The following METAP2 variants were observed in gnomAD, a reference collection of about 807,000 sequenced individuals.
METAP2 encodes methionyl aminopeptidase 2, also known as methionine aminopeptidase 2.
Under a neutral mutation model 59.4 loss-of-function variants are expected in METAP2, and 25 were observed. The ratio of observed to expected loss-of-function variants is 0.42; its 90% CI spans 0.31 to 0.59. The LOEUF is 0.59. Ranked by LOEUF, METAP2 falls within the 20% of genes least tolerant of loss-of-function variation. The probability of loss-of-function intolerance (pLI) is 0.16; values close to 1 mark genes in which losing one functional copy is unlikely to be tolerated. For synonymous variants in METAP2, 214 were observed against 194.1 expected (o/e 1.10, Z -0.85); for missense variants, 366 against 581.2 (o/e 0.63, Z 3.81).
At chr12:95,506,221 A>G (rs1176387986) in intron 8 of METAP2, among the ~76,000 whole-genome samples, 2 of 151,942 alleles carry the variant, frequency 1.3e-5, no homozygotes, top group Non-Finnish European at 2.9e-5. Flanking sequence ...AGCTGGGACT[A>G]CAGATGTACA....
chr12:95,497,264 C>G (rs2076282365), intron 7 of METAP2, among the ~76,000 whole-genome samples: 1 of 152,194 alleles, frequency 6.6e-6, no homozygotes, highest in Non-Finnish European at 1.5e-5. Flanking sequence ...TTTTCCTCTT[C>G]TCCCCCTACC....
chr12:95,498,132 C>CAA lies in METAP2; in HGVS notation c.867+2048_867+2049dup, dbSNP rs550768555. ...TGGGCGACTGAGCGAGACTCCATCT[C>CAA]AAAAAAAAAAAAAAACAGTAGAGAT... On this transcript the variant is annotated intron_variant, in intron 7 of 10. Transcript: ENST00000323666. 8.5e-3 allele frequency among the ~76,000 whole-genome samples: 1,056 copies of CAA among 123,574 alleles called. 8 individuals carry two copies. The highest frequency in any genetic ancestry group is 0.014 in the Non-Finnish European group (829 of 57,420). The allele number at this position is 123,574 out of a possible 152,430, so 81.1% of individuals were successfully genotyped here.
At chr12:95,479,152 G>A (rs2076141323) in intron 2 of METAP2, among the ~76,000 whole-genome samples, 1 of 152,200 alleles carries the variant, frequency 6.6e-6, no homozygotes, top group Admixed American at 6.5e-5. Flanking sequence ...GAGAGGAAGT[G>A]TGTAGGAAAG....
intron 2 of METAP2, 38 bp downstream of exon 2, chr12:95,476,216 A>G (rs1238238262): frequency 1.4e-6 from 2 of 1,409,548 alleles, no homozygotes; most frequent in South Asian, 1.2e-5. Flanking sequence ...TAGAAAAGCT[A>G]GAAAATGTAG....
At chr12:95,506,074 G>A (rs2076356866) in intron 8 of METAP2, among the ~76,000 whole-genome samples, 1 of 151,536 alleles carries the variant, frequency 6.6e-6, no homozygotes, top group Admixed American at 6.6e-5. Flanking sequence ...TCCAGCCTGG[G>A]CGACAGAGTG....
chr12:95,485,531 A>ACTT (rs1356615180), intron 3 of METAP2, among the ~76,000 whole-genome samples: 2 of 151,880 alleles, frequency 1.3e-5, no homozygotes, highest in Non-Finnish European at 2.9e-5. Context: ...TTGCTATAGG[A>ACTT]CTTCTTACTA....
chr12:95,514,011 T>A lies in METAP2; in HGVS notation c.*107T>A. 1.6e-6 allele frequency: 2 copies of A among 1,232,232 alleles called. No homozygotes were observed. Among genetic ancestry groups the A allele is most frequent in the Non-Finnish European group, 2.2e-6 (2 of 899,550 alleles). 76.3% of individuals were successfully genotyped at this position (1,232,232 alleles called of 1,614,324 possible). ...TGTCTGTTTTAACAGTGGACCCATG[T>A]AATACTTTTATCCATGTTTAAAAAA... On this transcript the variant is annotated 3_prime_UTR_variant, in exon 11 of 11. Transcript: ENST00000323666.
intron 7 of METAP2, among the ~76,000 whole-genome samples, chr12:95,499,244 C>T (rs532118060): frequency 1.3e-5 from 2 of 152,256 alleles, no homozygotes; most frequent in South Asian, 4.1e-4. Context: ...TGGGTTTAAG[C>T]AGTTCTTCTA....
chr12:95,493,570 C>G (rs1197391104), intron 4 of METAP2, among the ~76,000 whole-genome samples: 3 of 152,160 alleles, frequency 2.0e-5, no homozygotes, highest in Non-Finnish European at 1.5e-5. Context: ...ATTAGGAAAA[C>G]CCAGCACACG....
At chr12:95,510,153 T>A (rs1279148086) in intron 8 of METAP2, among the ~76,000 whole-genome samples, 1 of 152,146 alleles carries the variant, frequency 6.6e-6, no homozygotes, top group African/African-American at 2.4e-5. Flanking sequence ...AGCCCTTTTT[T>A]AAAATTTGAA....
At chr12:95,511,825 A>G (rs2076405099) in intron 8 of METAP2, 70 bp from the exon 9 acceptor site, 1 of 1,094,520 alleles carries the variant, frequency 9.1e-7, no homozygotes, top group African/African-American at 1.6e-5. Context: ...ACTCTGTACC[A>G]AAATGTAAGA....
At chr12:95,508,703 C>A (rs10507050) in intron 8 of METAP2, among the ~76,000 whole-genome samples, 13,222 of 150,678 alleles carry the variant, frequency 0.088, 813 homozygotes, top group African/African-American at 0.17. Context: ...GGTATGTGGT[C>A]TGCCTTTCAA....
At chr12:95,510,647 T>C (rs1227772750) in intron 8 of METAP2, among the ~76,000 whole-genome samples, 1 of 152,192 alleles carries the variant, frequency 6.6e-6, no homozygotes, top group Non-Finnish European at 1.5e-5. Context: ...ATTCAAACCA[T>C]AGCAGCAATA....
intron 3 of METAP2, 195 bp downstream of exon 3, chr12:95,483,475 CAAAAAAAAAAAAAA>C (rs141083015): frequency 6.0e-5 from 4 of 66,668 alleles, no homozygotes; most frequent in South Asian, 9.9e-4. Flanking sequence ...GACTCTGTCT[CAAAAAAAAAAAAAA>C]AAAAAAAAAG....
At chr12:95,499,067 G>A (rs1159584351) in intron 7 of METAP2, among the ~76,000 whole-genome samples, 1 of 151,936 alleles carries the variant, frequency 6.6e-6, no homozygotes, top group African/African-American at 2.4e-5. Context: ...TTATTTCTGG[G>A]CTGTTCATTT....
At chr12:95,496,536 A>T (rs1448045535) in intron 7 of METAP2, among the ~76,000 whole-genome samples, 1 of 152,162 alleles carries the variant, frequency 6.6e-6, no homozygotes, top group East Asian at 1.9e-4. Flanking sequence ...AGCATTGACC[A>T]CATCACAATT....
Position 95,502,193 on chromosome 12 carries a change from TG to T in METAP2, c.868-1867del, listed in dbSNP as rs112396489. On this transcript the variant is annotated intron_variant, in intron 7 of 10. Transcript: ENST00000323666. ...AATTTTTAAAACTTTTTTGTAGAGA[TG>T]GGGGTCTCACTTTGTTGGCCAGGCT... is the stretch of plus-strand genomic sequence containing the variant. 3.3e-5 allele frequency among the ~76,000 whole-genome samples: 5 copies of T among 151,880 alleles called. 1 individual carries two copies. The highest frequency in any genetic ancestry group is 1.2e-4 in the African/African-American group (5 of 41,418).
chr12:95,505,270 GACAGTTACC>G (rs2076349516), intron 8 of METAP2, among the ~76,000 whole-genome samples: 1 of 152,104 alleles, frequency 6.6e-6, no homozygotes, highest in Non-Finnish European at 1.5e-5. Flanking sequence ...CTTCTATATA[GACAGTTACC>G]ACCAACGTAA....
At chr12:95,508,171 T>C (rs1298099273) in intron 8 of METAP2, among the ~76,000 whole-genome samples, 5 of 152,218 alleles carry the variant, frequency 3.3e-5, no homozygotes, top group African/African-American at 4.8e-5. Context: ...AAATTTACTA[T>C]GTTCCTTAGT....
Sources: gnomAD v4.1 joint callset for allele counts (sites outside exome capture counted in the v4.1 genomes callset) on GRCh38, gnomAD v4.1.1 for gene constraint, MANE v1.5 for transcripts, NCBI Gene and HGNC (gene_info 2026-07-23, HGNC 2026-07-21) for gene names.